The following RAD17 variants were observed in gnomAD, a reference collection of about 807,000 sequenced individuals.
RAD17 encodes the protein cell cycle checkpoint protein RAD17.
RAD17 carries 31 observed loss-of-function variants against 81.5 expected under a neutral mutation model. That is an observed-to-expected ratio of 0.38 (90% CI 0.29 to 0.51). RAD17 has a LOEUF of 0.51. Among genes scored for constraint, RAD17 ranks in the 20% least tolerant of loss-of-function variants. The probability of loss-of-function intolerance (pLI) is 0.88; values close to 1 mark genes in which losing one functional copy is unlikely to be tolerated. For synonymous variants in RAD17, 261 were observed against 266.2 expected (o/e 0.98, Z 0.19); for missense variants, 681 against 781.2 (o/e 0.87, Z 1.53).
chr5:69,369,674 A>C, upstream of RAD17: 1 of 1,556,132 alleles, frequency 6.4e-7, no homozygotes, highest in South Asian at 1.2e-5. Context: ...TCGATGACAC[A>C]TTTCCGTCGC....
chr5:69,385,372 A>G (rs568607078), intron 8 of RAD17, among the ~76,000 whole-genome samples: 2 of 149,626 alleles, frequency 1.3e-5, no homozygotes, highest in Admixed American at 1.3e-4. Flanking sequence ...GGGTTGAAAC[A>G]ATTCTCATGC....
At chr5:69,404,896 C>G (rs1765494367) in intron 17 of RAD17, among the ~76,000 whole-genome samples, 1 of 151,990 alleles carries the variant, frequency 6.6e-6, no homozygotes, top group African/African-American at 2.4e-5. Context: ...GCCGAGATCA[C>G]GCTGCTACAT....
At chr5:69,397,508 A>C (rs1167549421) in intron 16 of RAD17, among the ~76,000 whole-genome samples, 1 of 152,182 alleles carries the variant, frequency 6.6e-6, no homozygotes, top group East Asian at 1.9e-4. Flanking sequence ...TCACACCTGT[A>C]ATCCCAGCAC....
At chr5:69,379,437 C>G (rs747265058) in intron 6 of RAD17, among the ~76,000 whole-genome samples, 3 of 152,144 alleles carry the variant, frequency 2.0e-5, no homozygotes, top group Non-Finnish European at 4.4e-5. Context: ...TTAGGCTACA[C>G]TAAACTTAAA....
rs199962501 is a variant in RAD17 at position 69,393,457 on chromosome 5, G to A, written c.1379G>A (p.Ser460Asn). Residue 460 changes from serine (S) to asparagine (N), a missense_variant, in exon 15 of 19, where the codon AGT (serine) becomes AAT (asparagine). Coordinates refer to ENST00000354868, the MANE Select transcript of RAD17 (RefSeq NM_133338.3). ...GAAATTGATGATATTGTGAGAGCCAGTGAATTTCTGAGTTTTGCAGATATC... is the reference window on the plus strand; with the variant it reads ...GAAATTGATGATATTGTGAGAGCCAATGAATTTCTGAGTTTTGCAGATATC... ...FMEIDDIVRASEFLSFADILS... is the reference protein window; with the variant it reads ...FMEIDDIVRANEFLSFADILS... 9.3e-6 allele frequency: 15 copies of A among 1,610,312 alleles called. No homozygotes were observed. The East Asian group carries it at 3.3e-4, about 36-fold the overall frequency.
intron 8 of RAD17, among the ~76,000 whole-genome samples, chr5:69,385,266 CT>C (rs35876455): frequency 2.5e-3 from 254 of 102,282 alleles, no homozygotes; most frequent in South Asian, 7.1e-3. Context: ...GGCCTAAAAT[CT>C]TTTTTTTTTT....
intron 4 of RAD17, among the ~76,000 whole-genome samples, chr5:69,373,239 G>A (rs967227535): frequency 6.6e-6 from 1 of 151,888 alleles, no homozygotes. Flanking sequence ...CCTACAGAGA[G>A]TTTAAAAAAA....
Position 69,393,209 on chromosome 5 carries a change from A to G in RAD17, c.1244A>G (p.Tyr415Cys). The change falls in exon 14 of 19, where the codon TAT becomes TGT. Residue 415 changes from tyrosine to cysteine, a missense_variant. By Grantham distance (194) the Tyr-to-Cys change is radical (BLOSUM62 -2). Coordinates refer to ENST00000354868, the MANE Select transcript of RAD17 (RefSeq NM_133338.3). ...CGGTTGCCCTCTCATTTATCAGAAT[A>G]TGAACGGGATACATTACTTGTTGAA... ...SPRLPSHLSE[Y>C]ERDTLLVEPE... 6 of 1,611,800 alleles carry G rather than the reference A, an allele frequency of 3.7e-6. No homozygotes were observed. The highest frequency in any genetic ancestry group is 5.1e-6 in the Non-Finnish European group (6 of 1,178,336).
Position 69,413,103 on chromosome 5 carries a change from T to A in RAD17, c.1752-928T>A, listed in dbSNP as rs1220010595. On this transcript the variant is annotated intron_variant, in intron 18 of 18. Transcript: ENST00000354868. ...TTGTTTTATAAGTTGTCCATGTTTGTGCCCATTTTTCTATTTCATTTTTTC... is the reference window on the plus strand; with the variant it reads ...TTGTTTTATAAGTTGTCCATGTTTGAGCCCATTTTTCTATTTCATTTTTTC... Among the ~76,000 whole-genome samples the A allele has an allele frequency of 2.0e-5, 3 of 152,206 alleles. No individual in the cohort carries two copies. In the East Asian group the frequency reaches 5.8e-4, roughly 29 times the overall value.
chr5:69,386,587 T>C (rs1043930749), intron 11 of RAD17, 122 bp downstream of exon 11: 2 of 1,144,526 alleles, frequency 1.7e-6, no homozygotes, highest in African/African-American at 3.2e-5. Context: ...ATTATACTCA[T>C]AAGGCATGTC....
chr5:69,411,819 CA>C (rs1341088992), intron 18 of RAD17, among the ~76,000 whole-genome samples: 1 of 152,204 alleles, frequency 6.6e-6, no homozygotes, highest in Non-Finnish European at 1.5e-5. Flanking sequence ...AAAATAAAGA[CA>C]AGTATGTTCT....
At chr5:69,371,200 G>GTT (rs376841818) in intron 2 of RAD17, 29 bp downstream of exon 2, 326 of 425,904 alleles carry the variant, frequency 7.7e-4, no homozygotes, top group South Asian at 1.1e-3. Flanking sequence ...TGGTTTTTTT[G>GTT]TTTTTTTTTT....
intron 7 of RAD17, among the ~76,000 whole-genome samples, chr5:69,383,770 C>G (rs759373378): frequency 6.6e-6 from 1 of 152,128 alleles, no homozygotes; most frequent in Non-Finnish European, 1.5e-5. Context: ...CACGACCCAA[C>G]CTCTGGGGTA....
chr5:69,371,249 A>T, intron 2 of RAD17, 78 bp downstream of exon 2: 1 of 563,678 alleles, frequency 1.8e-6, no homozygotes, highest in South Asian at 1.7e-5. Context: ...AACTCTTAAC[A>T]CCACAAGTAG....
Position 69,396,353 on chromosome 5 carries a change from CT to C in RAD17, c.1423-40del, listed in dbSNP as rs746379046. Reference sequence around the variant, plus strand: ...ATATATCAGGAATACCAGTAATGCTCTTTTATAAATCTATTTTCTTTCACAT... The same window carrying C: ...ATATATCAGGAATACCAGTAATGCTCTTTATAAATCTATTTTCTTTCACAT... On this transcript the variant is annotated intron_variant, in intron 15 of 18. Transcript: ENST00000354868. 1.3e-4 allele frequency: 206 copies of C among 1,575,046 alleles called. 1 individual carries two copies. The highest frequency in any genetic ancestry group is 1.7e-4 in the Non-Finnish European group (197 of 1,155,194).
intron 12 of RAD17, among the ~76,000 whole-genome samples, chr5:69,391,056 G>A (rs893888165): frequency 6.6e-6 from 1 of 151,898 alleles, no homozygotes; most frequent in African/African-American, 2.4e-5. Context: ...GGCCAACATG[G>A]TGAAACCTCA....
chr5:69,401,552 T>C (rs1765267911), intron 17 of RAD17, among the ~76,000 whole-genome samples: 1 of 152,230 alleles, frequency 6.6e-6, no homozygotes, highest in Admixed American at 6.5e-5. Context: ...TTACTATGCC[T>C]GTGGCAGTAT....
chr5:69,399,999 A>AT, intron 16 of RAD17, 50 bp from the exon 17 acceptor site: 1 of 1,282,890 alleles, frequency 7.8e-7, no homozygotes, highest in Non-Finnish European at 1.1e-6. Context: ...AGGAATACAT[A>AT]TTTTTAATTT....
chr5:69,377,508 T>C lies in RAD17; in HGVS notation c.351+2797T>C, dbSNP rs1273660572. Among the ~76,000 whole-genome samples, 15 of 94,828 alleles carry C rather than the reference T, an allele frequency of 1.6e-4. 1 individual carries two copies. The highest frequency in any genetic ancestry group is 5.0e-4 in the African/African-American group (12 of 23,982). The allele number at this position is 94,828 out of a possible 152,430, so 62.2% of individuals were successfully genotyped here. On this transcript the variant is annotated intron_variant, in intron 6 of 18. Transcript: ENST00000354868. Reference sequence around the variant, plus strand: ...ACACATATATATACGTATATATATGTATATATACGTATATATATGTGTATA... The same window carrying C: ...ACACATATATATACGTATATATATGCATATATACGTATATATATGTGTATA...
Sources: gnomAD v4.1 joint callset for allele counts (sites outside exome capture counted in the v4.1 genomes callset) on GRCh38, gnomAD v4.1.1 for gene constraint, MANE v1.5 for transcripts, NCBI Gene and HGNC (gene_info 2026-07-23, HGNC 2026-07-21) for gene names.